CA5A: variants seen among roughly 807,000 people sequenced by gnomAD.
The protein encoded by CA5A is carbonic anhydrase 5A, mitochondrial.
Under a neutral mutation model 37.1 loss-of-function variants are expected in CA5A, and 28 were observed. That is an observed-to-expected ratio of 0.75 (90% CI 0.56 to 1.03). The LOEUF (loss-of-function observed/expected upper bound fraction) is 1.03. CA5A is among the 50% of genes least tolerant of loss of function. The pLI is 0.00. For missense variants in CA5A, 444 were observed against 399.9 expected, an observed-to-expected ratio of 1.11 and a Z score of -0.94; for synonymous variants, 171 against 158.4, an observed-to-expected ratio of 1.08 and a Z score of -0.60.
intron 1 of CA5A, among the ~76,000 whole-genome samples, chr16:87,927,885 G>C (rs1339598339): frequency 6.7e-6 from 1 of 150,232 alleles, no homozygotes; most frequent in Non-Finnish European, 1.5e-5. Context: ...ATGCAGAAAA[G>C]CTTATGAGTG....
intron 2 of CA5A, among the ~76,000 whole-genome samples, chr16:87,919,384 G>A (rs770345670): frequency 2.0e-5 from 3 of 152,226 alleles, no homozygotes; most frequent in Non-Finnish European, 2.9e-5. Context: ...CTGGCCAGAC[G>A]AGCAGCCAAA....
At chr16:87,882,559 C>T (rs1480281090) in intron 4 of CA5A, 2 of 152,198 alleles carry the variant, frequency 1.3e-5, no homozygotes, top group Non-Finnish European at 2.9e-5. Context: ...GGAGTTTTTC[C>T]TAAAACACCA....
intron 1 of CA5A, among the ~76,000 whole-genome samples, chr16:87,931,257 G>A (rs1160362146): frequency 6.6e-6 from 1 of 151,160 alleles, no homozygotes; most frequent in Non-Finnish European, 1.5e-5. Flanking sequence ...GATTACAGGT[G>A]CCTACCACCA....
chr16:87,932,334 C>T lies in CA5A; in HGVS notation c.142+3975G>A, dbSNP rs2056418989. Reference sequence around the variant, plus strand: ...TCATCTAGACCAGAGACGCAGGCTTCCCTGGCTCACAGAGACACAGGTTGT... The same window carrying T: ...TCATCTAGACCAGAGACGCAGGCTTTCCTGGCTCACAGAGACACAGGTTGT... On this transcript the variant is annotated intron_variant, in intron 1 of 6. Transcript: ENST00000649794. Among the ~76,000 whole-genome samples, 5 of 152,300 alleles carry T rather than the reference C, an allele frequency of 3.3e-5. No homozygotes were observed. The South Asian group carries it at 1.0e-3, about 32-fold the overall frequency.
rs559752853 is a variant in CA5A at position 87,911,589 on chromosome 16, G to A, written c.341-6685C>T. Among the ~76,000 whole-genome samples the A allele has an allele frequency of 1.4e-4, 21 of 150,796 alleles. No individual in the cohort carries two copies. In the South Asian group the frequency reaches 1.9e-3, roughly 14 times the overall value. ...GGTGCCACTCTGGGAGGTAGTGCAC[G>A]TTCCCAAGCTGTAAAGGGTGACACG... On this transcript the variant is annotated intron_variant, in intron 2 of 6. Transcript: ENST00000649794. The surrounding 1 kb of genome is among the most constrained non-coding windows in gnomAD (Gnocchi z 4.6).
chr16:87,904,373 A>C (rs943910970), intron 3 of CA5A, among the ~76,000 whole-genome samples: 1 of 152,010 alleles, frequency 6.6e-6, no homozygotes, highest in African/African-American at 2.4e-5. Context: ...AAAAACAAAC[A>C]AACAAACAAA....
chr16:87,892,066 A>G, intron 5 of CA5A, 112 bp from the exon 6 acceptor site: 1 of 998,542 alleles, frequency 1.0e-6, no homozygotes, highest in Non-Finnish European at 1.4e-6. Context: ...GCTTTCCCCC[A>G]GATAAGGCCA....
chr16:87,935,061 G>A (rs1244329671), intron 1 of CA5A, among the ~76,000 whole-genome samples: 2 of 152,216 alleles, frequency 1.3e-5, no homozygotes, highest in African/African-American at 4.8e-5. Flanking sequence ...CCCCCATCTC[G>A]AGATAAGGAC....
At chr16:87,919,284 T>A (rs138403282) in intron 2 of CA5A, among the ~76,000 whole-genome samples, 3 of 152,198 alleles carry the variant, frequency 2.0e-5, no homozygotes, top group Non-Finnish European at 4.4e-5. Flanking sequence ...GCCCCATCCT[T>A]ACTCTGGGAA....
At chr16:87,921,938 G>A (rs1318155786) in intron 2 of CA5A, among the ~76,000 whole-genome samples, 2 of 152,008 alleles carry the variant, frequency 1.3e-5, no homozygotes, top group East Asian at 1.9e-4. Context: ...CACAATCCCA[G>A]GTAACTGCAG....
intron 2 of CA5A, chr16:87,923,777 A>T: frequency 1.0e-6 from 1 of 985,132 alleles, no homozygotes; most frequent in Non-Finnish European, 1.2e-6. Context: ...TATCAGTGAG[A>T]CCCACAGCCA....
chr16:87,910,217 T>C (rs1254968445), intron 2 of CA5A, among the ~76,000 whole-genome samples: 1 of 152,182 alleles, frequency 6.6e-6, no homozygotes. Context: ...ATCCTGTCCA[T>C]GAGCTCACGT....
intron 6 of CA5A, among the ~76,000 whole-genome samples, chr16:87,891,076 G>A (rs991298094): frequency 2.0e-5 from 3 of 151,632 alleles, no homozygotes; most frequent in South Asian, 2.1e-4. Context: ...TTATGGGCAT[G>A]AGCCATGACG....
In CA5A at chr16:87,918,766, G is replaced by C. The variant is rs539824748; in HGVS notation, c.340+7982C>G. ...GTTTCTCTCTGAAAACCTTTCTCTA[G>C]CCCTACCTGTCCTTCATCTGAGGTT... On this transcript the variant is annotated intron_variant, in intron 2 of 6. Coordinates refer to ENST00000649794, the MANE Select transcript of CA5A (RefSeq NM_001739.2). Among the ~76,000 whole-genome samples, 4 of 152,100 alleles carry C rather than the reference G, an allele frequency of 2.6e-5. No individual in the cohort carries two copies. The East Asian group carries it at 7.8e-4, about 30-fold the overall frequency.
chr16:87,921,932 A>G (rs533983805), intron 2 of CA5A, among the ~76,000 whole-genome samples: 1 of 152,122 alleles, frequency 6.6e-6, no homozygotes, highest in South Asian at 2.1e-4. Flanking sequence ...AAGTGGCACA[A>G]TCCCAGGTAA....
chr16:87,893,410 A>C (rs2055753616), intron 5 of CA5A: 1 of 484,654 alleles, frequency 2.1e-6, no homozygotes, highest in Non-Finnish European at 4.1e-6. Context: ...TACAGGCGTG[A>C]GCCACCACGC....
At position 87,924,189 on chromosome 16, in the gene CA5A, G is replaced by A. The variant is rs761113607; in HGVS notation, c.340+2559C>T. Reference sequence around the variant, plus strand: ...GCTGGTCTTGTCCTTCCAAGAAGTTGCACTTTGCTTACGTTGGCTGGAGTT... The same window carrying A: ...GCTGGTCTTGTCCTTCCAAGAAGTTACACTTTGCTTACGTTGGCTGGAGTT... On this transcript the variant is annotated intron_variant, in intron 2 of 6. Coordinates refer to ENST00000649794, the MANE Select transcript of CA5A (RefSeq NM_001739.2). The A allele has an allele frequency of 1.6e-4, 161 of 985,318 alleles. 1 individual carries two copies. Among genetic ancestry groups the A allele is most frequent in the Non-Finnish European group, 1.9e-4 (156 of 829,944 alleles). 61.0% of individuals were successfully genotyped at this position (985,318 alleles called of 1,614,324 possible).
chr16:87,888,538 A>G (rs999486405), intron 6 of CA5A, among the ~76,000 whole-genome samples: 11 of 152,152 alleles, frequency 7.2e-5, no homozygotes, highest in African/African-American at 2.7e-4. Flanking sequence ...GGAGAGGCCC[A>G]TAGGGAGAGG....
intron 1 of CA5A, among the ~76,000 whole-genome samples, chr16:87,929,132 C>T (rs369547687): frequency 6.6e-6 from 1 of 150,648 alleles, no homozygotes; most frequent in East Asian, 2.0e-4. Context: ...GTGCATCCAA[C>T]AGAAGTCTAG....
Sources: allele counts gnomAD v4.1 joint callset (sites outside exome capture counted in the v4.1 genomes callset), GRCh38; gene constraint gnomAD v4.1.1; non-coding constraint Gnocchi (gnomAD v3.1); transcripts MANE v1.5; gene names NCBI Gene and HGNC (gene_info 2026-07-23, HGNC 2026-07-21).